Variants in KIAA1217 observed in about 807,000 individuals in gnomAD.
KIAA1217 encodes sickle tail protein homolog.
KIAA1217 carries 88 observed loss-of-function variants against 163.9 expected under a neutral mutation model. The ratio of observed to expected loss-of-function variants is 0.54; its 90% CI spans 0.45 to 0.64. KIAA1217 has a LOEUF of 0.64. KIAA1217 is among the 30% of genes least tolerant of loss of function. The probability of loss-of-function intolerance (pLI) is 0.00; values close to 1 mark genes in which losing one functional copy is unlikely to be tolerated. For synonymous variants in KIAA1217, 903 were observed against 923.1 expected (o/e 0.98, Z 0.39); for missense variants, 2,372 against 2,475.0 (o/e 0.96, Z 0.88).
At chr10:23,772,915 C>T (rs1409441971) in intron 1 of KIAA1217, among the ~76,000 whole-genome samples, 1 of 152,196 alleles carries the variant, frequency 6.6e-6, no homozygotes, top group East Asian at 1.9e-4. Flanking sequence ...GAGACACACC[C>T]TTGTCATTTC....
chr10:24,085,360 C>T (rs1295991393), intron 2 of KIAA1217, among the ~76,000 whole-genome samples: 3 of 152,178 alleles, frequency 2.0e-5, no homozygotes, highest in African/African-American at 7.2e-5. Context: ...AATCATTCTA[C>T]TCAATTCATT....
In KIAA1217 at chr10:23,909,435, C is replaced by T. The variant is rs527381456; in HGVS notation, c.-320-97790C>T. 2.6e-4 allele frequency among the ~76,000 whole-genome samples: 39 copies of T among 151,884 alleles called. No individual in the cohort carries two copies. In the South Asian group the frequency reaches 3.1e-3, roughly 12 times the overall value. Reference sequence around the variant, plus strand: ...GGTGCTATGCTGACTATCTTGGTGACGAAATTACTCATATTCCAAGCCTCA... The same window carrying T: ...GGTGCTATGCTGACTATCTTGGTGATGAAATTACTCATATTCCAAGCCTCA... On this transcript the variant is annotated intron_variant, in intron 1 of 18. Transcript: ENST00000376462.
intron 1 of KIAA1217, among the ~76,000 whole-genome samples, chr10:24,218,459 G>T (rs2069124799): frequency 6.6e-6 from 1 of 151,758 alleles, no homozygotes; most frequent in South Asian, 2.1e-4. Flanking sequence ...ATTTGTCTAA[G>T]CCTTTACTTT....
intron 2 of KIAA1217, among the ~76,000 whole-genome samples, chr10:24,308,046 G>A (rs2042207872): frequency 6.6e-6 from 1 of 152,130 alleles, no homozygotes; most frequent in South Asian, 2.1e-4. Context: ...GAAAAATATA[G>A]CCTAAGATAA....
At chr10:24,179,285 G>A (rs2131944267) in intron 2 of KIAA1217, among the ~76,000 whole-genome samples, 1 of 152,274 alleles carries the variant, frequency 6.6e-6, no homozygotes. Flanking sequence ...TAATATTGGA[G>A]GTAGGGCTTG....
chr10:23,800,775 A>T (rs1836431301), intron 1 of KIAA1217, among the ~76,000 whole-genome samples: 1 of 152,222 alleles, frequency 6.6e-6, no homozygotes, highest in African/African-American at 2.4e-5. Flanking sequence ...CTACAATGAG[A>T]TACCATCGCA....
At chr10:24,071,486 G>T (rs1361502423) in intron 2 of KIAA1217, among the ~76,000 whole-genome samples, 1 of 151,902 alleles carries the variant, frequency 6.6e-6, no homozygotes, top group East Asian at 1.9e-4. Flanking sequence ...GAAGAGAATA[G>T]GGTTAATTTA....
chr10:24,258,016 C>T (rs933366604), intron 2 of KIAA1217, among the ~76,000 whole-genome samples: 9 of 151,974 alleles, frequency 5.9e-5, no homozygotes, highest in Admixed American at 3.3e-4. Context: ...TTGTACCTTG[C>T]GCTTTTAAAA....
At chr10:24,005,130 A>G (rs1846935013) in intron 1 of KIAA1217, among the ~76,000 whole-genome samples, 1 of 152,224 alleles carries the variant, frequency 6.6e-6, no homozygotes, top group African/African-American at 2.4e-5. Flanking sequence ...GGCTTCTGCC[A>G]CTTACAGCGT....
chr10:23,854,787 T>C (rs1321347753), intron 1 of KIAA1217, among the ~76,000 whole-genome samples: 2 of 152,216 alleles, frequency 1.3e-5, no homozygotes, highest in Non-Finnish European at 2.9e-5. Context: ...TTTGTCTCTT[T>C]TGATCTTTGT....
At chr10:23,968,533 G>C (rs926053025) in intron 1 of KIAA1217, among the ~76,000 whole-genome samples, 2 of 152,130 alleles carry the variant, frequency 1.3e-5, no homozygotes, top group African/African-American at 2.4e-5. Context: ...CAGTGTGGTG[G>C]TATTTAGTCT....
intron 2 of KIAA1217, among the ~76,000 whole-genome samples, chr10:24,107,924 A>T (rs552137061): frequency 9.2e-5 from 14 of 152,360 alleles, no homozygotes; most frequent in African/African-American, 3.1e-4. Context: ...AAGCAGAAAA[A>T]AAATGAAATA....
chr10:23,720,006 C>T (rs1011189149), intron 1 of KIAA1217, among the ~76,000 whole-genome samples: 14 of 151,764 alleles, frequency 9.2e-5, no homozygotes, highest in African/African-American at 3.4e-4. Context: ...TTGGTGGTTG[C>T]CAGGGCCTGG....
chr10:23,982,245 A>G (rs1274389678), intron 1 of KIAA1217, among the ~76,000 whole-genome samples: 1 of 152,210 alleles, frequency 6.6e-6, no homozygotes, highest in African/African-American at 2.4e-5. Context: ...GAAACTGGGT[A>G]TCAGGGAATC....
chr10:23,892,669 G>A (rs1477957622), intron 1 of KIAA1217, among the ~76,000 whole-genome samples: 15 of 151,840 alleles, frequency 9.9e-5, no homozygotes, highest in Admixed American at 9.9e-4. Flanking sequence ...CATTTATTAT[G>A]TTAAATGTCT....
At chr10:23,799,005 A>G (rs1381787777) in intron 1 of KIAA1217, among the ~76,000 whole-genome samples, 1 of 152,170 alleles carries the variant, frequency 6.6e-6, no homozygotes, top group South Asian at 2.1e-4. Context: ...CCCTCTGAGG[A>G]CTGTGAGAGA....
At chr10:23,847,431 G>A (rs1354025981) in intron 1 of KIAA1217, among the ~76,000 whole-genome samples, 3 of 152,028 alleles carry the variant, frequency 2.0e-5, no homozygotes, top group South Asian at 2.1e-4. Flanking sequence ...TCAGGGATTC[G>A]ACTTCTTCCT....
rs1048260033 is a variant in KIAA1217, at chr10:23,930,275, A to T, written c.-320-76950A>T. On this transcript the variant is annotated intron_variant, in intron 1 of 18. Coordinates refer to the KIAA1217 transcript ENST00000376462. Reference sequence around the variant, plus strand: ...TTATTGATTTATTTATGTTTCTGAAATAAGGGATTTAAAAAATCAACCCCA... The same window carrying T: ...TTATTGATTTATTTATGTTTCTGAATTAAGGGATTTAAAAAATCAACCCCA... Among the ~76,000 whole-genome samples the T allele has an allele frequency of 4.6e-5, 7 of 152,158 alleles. No homozygotes were observed. The South Asian group carries it at 1.5e-3, about 32-fold the overall frequency.
chr10:24,219,520 G>A, intron 1 of KIAA1217, 106 bp from the exon 2 acceptor site: 2 of 855,404 alleles, frequency 2.3e-6, no homozygotes. Flanking sequence ...GATTTGCGAA[G>A]TTAACATTCA....
Sources: gnomAD v4.1 joint callset for allele counts (sites outside exome capture counted in the v4.1 genomes callset) on GRCh38, gnomAD v4.1.1 for gene constraint, MANE v1.5 for transcripts, NCBI Gene and HGNC (gene_info 2026-07-23, HGNC 2026-07-21) for gene names.